Variants in ANK3 observed in about 807,000 individuals in gnomAD.
ANK3 encodes ankyrin 3.
Under a neutral mutation model 370.9 loss-of-function variants are expected in ANK3, and 57 were observed. The observed-to-expected ratio is 0.15, with a 90% confidence interval of 0.12 to 0.19. The LOEUF is 0.19. Ranked by LOEUF, ANK3 falls within the 10% of genes least tolerant of loss-of-function variation. ANK3 has a pLI of 1.00. For synonymous variants in ANK3, 1,929 were observed against 1,946.3 expected, an observed-to-expected ratio of 0.99 and a Z score of 0.23; for missense variants, 4,439 against 5,302.1, an observed-to-expected ratio of 0.84 and a Z score of 5.06.
chr10:60,683,776 C>T (rs908253448), intron 1 of ANK3, among the ~76,000 whole-genome samples: 2 of 152,196 alleles, frequency 1.3e-5, no homozygotes, highest in African/African-American at 4.8e-5. Context: ...CAGAACTACA[C>T]CCAGGTCTTC....
intron 2 of ANK3, among the ~76,000 whole-genome samples, chr10:60,431,704 G>T (rs1189308324): frequency 6.6e-6 from 1 of 152,088 alleles, no homozygotes; most frequent in East Asian, 1.9e-4. Context: ...TGTAGGTGAC[G>T]GGTGGGAGGG....
intron 1 of ANK3, among the ~76,000 whole-genome samples, chr10:60,357,068 T>C (rs2057871640): frequency 6.6e-6 from 1 of 152,206 alleles, no homozygotes; most frequent in Non-Finnish European, 1.5e-5. Flanking sequence ...TCACTGCCCT[T>C]GGTCACTGGT....
At chr10:60,667,137 C>T (rs2079006539) in intron 1 of ANK3, among the ~76,000 whole-genome samples, 2 of 149,454 alleles carry the variant, frequency 1.3e-5, no homozygotes, top group Admixed American at 1.3e-4. Context: ...CCAATTTCTT[C>T]TTAGTTTTTT....
intron 2 of ANK3, among the ~76,000 whole-genome samples, chr10:60,514,362 A>G (rs2076164745): frequency 6.6e-6 from 1 of 152,124 alleles, no homozygotes; most frequent in African/African-American, 2.4e-5. Context: ...CAGGAGTGAT[A>G]TTTAAAATGT....
intron 2 of ANK3, among the ~76,000 whole-genome samples, chr10:60,524,956 C>T (rs905549054): frequency 2.0e-5 from 3 of 152,076 alleles, no homozygotes; most frequent in Non-Finnish European, 2.9e-5. Flanking sequence ...AATAATTCAG[C>T]ACTGTATTTT....
intron 2 of ANK3, among the ~76,000 whole-genome samples, chr10:60,465,374 C>A (rs777049964): frequency 6.6e-6 from 1 of 152,182 alleles, no homozygotes; most frequent in Non-Finnish European, 1.5e-5. Flanking sequence ...AATTCCCATG[C>A]ACATTGCACA....
At chr10:60,447,913 T>C (rs932419828) in intron 2 of ANK3, among the ~76,000 whole-genome samples, 1 of 152,186 alleles carries the variant, frequency 6.6e-6, no homozygotes, top group African/African-American at 2.4e-5. Context: ...TAAAATCTTA[T>C]GGTTTTGTTC....
rs2077257439 is a variant in ANK3 at position 60,048,163 on chromosome 10, C to A, written c.13066-5404G>T. Among the ~76,000 whole-genome samples, 3 of 152,114 alleles carry A rather than the reference C, an allele frequency of 2.0e-5. 1 individual carries two copies. The South Asian group carries it at 6.2e-4, about 32-fold the overall frequency. On this transcript the variant is annotated intron_variant, in intron 42 of 43. Transcript: ENST00000280772. ...GCTTCCTCTGGGAGATACTTCCCAG[C>A]CAGAGCTAGCTCTGGGAGGGATGGA...
intron 7 of ANK3, among the ~76,000 whole-genome samples, chr10:60,250,228 CT>C (rs200226315): frequency 0.27 from 41,535 of 152,010 alleles, 5,733 homozygotes; most frequent in East Asian, 0.41. Flanking sequence ...ACCTGAGGAA[CT>C]TGTTAAAAAC....
intron 18 of ANK3, among the ~76,000 whole-genome samples, chr10:60,178,114 C>T (rs1391817355): frequency 6.6e-6 from 1 of 152,136 alleles, no homozygotes; most frequent in Non-Finnish European, 1.5e-5. Context: ...TCAGTGCAAA[C>T]AGGATAAAAA....
chr10:60,361,599 AG>A (rs1224993228), intron 1 of ANK3, among the ~76,000 whole-genome samples: 1 of 152,212 alleles, frequency 6.6e-6, no homozygotes, highest in Non-Finnish European at 1.5e-5. Flanking sequence ...TCAGTAAGAA[AG>A]GAACTGGCAG....
At chr10:60,063,315 T>G in intron 39 of ANK3, 61 bp from the exon 40 acceptor site, 2 of 1,505,588 alleles carry the variant, frequency 1.3e-6, no homozygotes, top group Non-Finnish European at 8.9e-7. Context: ...GTCAGCACAA[T>G]ATCTACACAA....
At chr10:60,240,127 TATATAC>T (rs1224887218) in intron 7 of ANK3, among the ~76,000 whole-genome samples, 2 of 94,918 alleles carry the variant, frequency 2.1e-5, no homozygotes, top group Non-Finnish European at 4.3e-5. Flanking sequence ...TACACACATA[TATATAC>T]ATATATATAC....
chr10:60,419,309 T>C lies in ANK3; in HGVS notation c.97-139670A>G, dbSNP rs1461667311. Among the ~76,000 whole-genome samples, 4 of 152,118 alleles carry C rather than the reference T, an allele frequency of 2.6e-5. 1 individual carries two copies. Among genetic ancestry groups the C allele is most frequent in the East Asian group, 1.9e-4 (1 of 5,192 alleles). On this transcript the variant is annotated intron_variant, in intron 2 of 43. Transcript: ENST00000373827. ...CATCACTCATTCTTCCCATCTATTA[T>C]ATGAAGAGCAAAAATTTAAATGATC...
chr10:60,644,565 T>C (rs1308047476), intron 1 of ANK3, among the ~76,000 whole-genome samples: 1 of 151,986 alleles, frequency 6.6e-6, no homozygotes. Context: ...CAAAGAGATT[T>C]ATGAGTCTAA....
intron 23 of ANK3, 118 bp from the exon 24 acceptor site, chr10:60,139,205 C>T (rs1183362516): frequency 9.7e-6 from 12 of 1,231,670 alleles, no homozygotes; most frequent in Non-Finnish European, 1.4e-5. Context: ...TCACCTTCCC[C>T]TATCACCTGG....
intron 2 of ANK3, among the ~76,000 whole-genome samples, chr10:60,597,578 C>T (rs910869176): frequency 1.3e-5 from 2 of 152,166 alleles, no homozygotes; most frequent in East Asian, 3.9e-4. Context: ...TCCTTCACCT[C>T]CCCCAAGGCT....
chr10:60,189,223 C>T (rs761947549), intron 16 of ANK3, among the ~76,000 whole-genome samples: 14 of 152,104 alleles, frequency 9.2e-5, no homozygotes, highest in South Asian at 2.1e-4. Flanking sequence ...TCAGGCATGG[C>T]GGTGCATGCC....
Position 60,029,834 on chromosome 10 carries a change from A to G in ANK3, c.*20-8T>C, listed in dbSNP as rs1407880813. 1.4e-5 allele frequency: 2 copies of G among 148,014 alleles called. No homozygotes were observed. The highest frequency in any genetic ancestry group is 3.0e-5 in the Non-Finnish European group (2 of 67,266). 9.2% of individuals were successfully genotyped at this position (148,014 alleles called of 1,614,324 possible). The stretch of plus-strand genomic sequence containing the variant: ...CAGTAAAAACTTATGATCCTGTGGA[A>G]AGAGACAGTAGATAGTGAGTTTAGC... On this transcript the variant is annotated splice_polypyrimidine_tract_variant and splice_region_variant and intron_variant, in intron 43 of 43. Coordinates refer to ENST00000280772, the MANE Select transcript of ANK3 (RefSeq NM_020987.5).
Sources: allele counts gnomAD v4.1 joint callset (sites outside exome capture counted in the v4.1 genomes callset), GRCh38; gene constraint gnomAD v4.1.1; transcripts MANE v1.5; gene names NCBI Gene and HGNC (gene_info 2026-07-23, HGNC 2026-07-21).